ROBO2: variants seen among roughly 807,000 people sequenced by gnomAD.
ROBO2 encodes roundabout homolog 2.
Under a neutral mutation model 160.8 loss-of-function variants are expected in ROBO2, and 53 were observed. The observed-to-expected ratio is 0.33, with a 90% CI of 0.26 to 0.41. The LOEUF is 0.41. Among genes scored for constraint, ROBO2 ranks in the 10% least tolerant of loss-of-function variants. The pLI is 1.00. For synonymous variants in ROBO2, 664 were observed against 611.7 expected, an observed-to-expected ratio of 1.09 and a Z score of -1.26; for missense variants, 1,577 against 1,722.4, an observed-to-expected ratio of 0.92 and a Z score of 1.49.
At position 77,062,830 on chromosome 3, in the gene ROBO2, G is replaced by A. The variant is rs547529111; in HGVS notation, c.61+21984G>A. 3.9e-4 allele frequency among the ~76,000 whole-genome samples: 59 copies of A among 152,260 alleles called. No homozygotes were observed. In the South Asian group the frequency reaches 0.012, roughly 31 times the overall value. Reference sequence around the variant, plus strand: ...GTGGAAAATTCCTAGTGAGAGGTTAGTTGGTGGTTTCTGATTGGTGCAGTT... The same window carrying A: ...GTGGAAAATTCCTAGTGAGAGGTTAATTGGTGGTTTCTGATTGGTGCAGTT... On this transcript the variant is annotated intron_variant, in intron 1 of 25. Coordinates refer to ENST00000461745, the Ensembl canonical transcript of ROBO2.
intron 2 of ROBO2, among the ~76,000 whole-genome samples, chr3:77,452,241 T>A (rs2081194550): frequency 6.6e-6 from 1 of 152,214 alleles, no homozygotes; most frequent in Non-Finnish European, 1.5e-5. Flanking sequence ...AGTATCATAC[T>A]CATTCATCGT....
chr3:76,199,556 G>A (rs544833484), intron 2 of ROBO2, among the ~76,000 whole-genome samples: 35 of 152,168 alleles, frequency 2.3e-4, no homozygotes, highest in Middle Eastern at 3.4e-3. Flanking sequence ...TGGTAACTTC[G>A]TGAGAGGATG....
At chr3:77,415,040 A>G (rs1375462048) in intron 2 of ROBO2, among the ~76,000 whole-genome samples, 1 of 152,118 alleles carries the variant, frequency 6.6e-6, no homozygotes, top group African/African-American at 2.4e-5. Context: ...TGCTCACTCC[A>G]CCCATGATCC....
intron 1 of ROBO2, among the ~76,000 whole-genome samples, chr3:77,070,430 CTT>C (rs1237016998): frequency 6.6e-6 from 1 of 151,940 alleles, no homozygotes; most frequent in East Asian, 1.9e-4. Context: ...GTGTGTGTGT[CTT>C]TTTCTATCTA....
intron 2 of ROBO2, among the ~76,000 whole-genome samples, chr3:76,935,055 G>A (rs534914936): frequency 1.3e-5 from 2 of 150,926 alleles, no homozygotes; most frequent in African/African-American, 2.4e-5. Flanking sequence ...AGGCTCAGGC[G>A]ATCCTCCCAC....
intron 2 of ROBO2, among the ~76,000 whole-genome samples, chr3:77,419,371 G>A (rs1285616063): frequency 1.3e-5 from 2 of 152,074 alleles, no homozygotes; most frequent in Non-Finnish European, 2.9e-5. Context: ...GCTCTAGGTA[G>A]AGATAAGAAA....
At chr3:76,811,896 G>T (rs896707735) in intron 2 of ROBO2, among the ~76,000 whole-genome samples, 3 of 117,582 alleles carry the variant, frequency 2.6e-5, no homozygotes, top group Non-Finnish European at 5.0e-5. Context: ...TTTGAGATGG[G>T]GTCTCATTCT....
At chr3:77,061,952 C>CT (rs927017395) in intron 1 of ROBO2, among the ~76,000 whole-genome samples, 8 of 152,020 alleles carry the variant, frequency 5.3e-5, no homozygotes, top group East Asian at 3.9e-4. Context: ...CTGGTTCTTT[C>CT]TTTTTTTTCC....
intron 2 of ROBO2, among the ~76,000 whole-genome samples, chr3:76,900,840 G>A (rs1356309412): frequency 6.6e-6 from 1 of 152,200 alleles, no homozygotes; most frequent in Non-Finnish European, 1.5e-5. Flanking sequence ...ATGAAGAAAA[G>A]ATGGTGTTGA....
intron 2 of ROBO2, among the ~76,000 whole-genome samples, chr3:76,730,166 A>G (rs1183831296): frequency 6.8e-6 from 1 of 146,872 alleles, no homozygotes; most frequent in African/African-American, 2.5e-5. Flanking sequence ...CTACTCCCCA[A>G]CCCACTTTTC....
intron 2 of ROBO2, among the ~76,000 whole-genome samples, chr3:75,992,724 C>T (rs911968636): frequency 4.6e-5 from 7 of 152,182 alleles, no homozygotes; most frequent in African/African-American, 1.4e-4. Context: ...AAGCCACAGG[C>T]ACTCAATGCC....
At chr3:76,734,252 C>T (rs1388275581) in intron 2 of ROBO2, among the ~76,000 whole-genome samples, 1 of 152,088 alleles carries the variant, frequency 6.6e-6, no homozygotes, top group African/African-American at 2.4e-5. Flanking sequence ...TCCTCTGTAA[C>T]AAAAATAAAA....
chr3:76,240,517 C>T (rs937280003), intron 2 of ROBO2, among the ~76,000 whole-genome samples: 1 of 152,050 alleles, frequency 6.6e-6, no homozygotes, highest in African/African-American at 2.4e-5. Flanking sequence ...ATTCAAGATT[C>T]GTTGAAGTAG....
Position 77,375,650 on chromosome 3 carries a change from T to A in ROBO2, c.389-101764T>A, listed in dbSNP as rs147429261. Among the ~76,000 whole-genome samples, 18 of 152,064 alleles carry A rather than the reference T, an allele frequency of 1.2e-4. No homozygotes were observed. The East Asian group carries it at 3.1e-3, about 26-fold the overall frequency. ...GGGTTCAAGTTAAGATAATGAAGAG[T>A]CATCTGGTATTAATGGGAAACAGGA... On this transcript the variant is annotated intron_variant, in intron 2 of 25. Transcript: ENST00000461745.
intron 2 of ROBO2, among the ~76,000 whole-genome samples, chr3:76,396,674 C>A (rs528196506): frequency 1.3e-5 from 2 of 152,148 alleles, no homozygotes; most frequent in South Asian, 4.2e-4. Flanking sequence ...TCTTATGCAC[C>A]AATAACAGAC....
At chr3:76,004,909 T>C (rs964004918) in intron 2 of ROBO2, among the ~76,000 whole-genome samples, 2 of 152,192 alleles carry the variant, frequency 1.3e-5, no homozygotes, top group Admixed American at 6.5e-5. Context: ...CCAAAAGGCA[T>C]GTGTTGAAAC....
chr3:76,825,603 CA>C (rs201063990), intron 2 of ROBO2, among the ~76,000 whole-genome samples: 1,620 of 72,198 alleles, frequency 0.022, 10 homozygotes, highest in African/African-American at 0.087. Flanking sequence ...TCATCTTAGC[CA>C]AAAAAAAAAA....
At chr3:77,084,562 G>C (rs2069066278) in intron 1 of ROBO2, among the ~76,000 whole-genome samples, 1 of 151,930 alleles carries the variant, frequency 6.6e-6, no homozygotes, top group Non-Finnish European at 1.5e-5. Flanking sequence ...CTTGTGCTTT[G>C]TGACAAGAAA....
intron 2 of ROBO2, among the ~76,000 whole-genome samples, chr3:76,932,490 T>A (rs2077412676): frequency 6.6e-6 from 1 of 152,134 alleles, no homozygotes; most frequent in Non-Finnish European, 1.5e-5. Flanking sequence ...CAGTGATTTA[T>A]GTAATGCCTC....
Sources: allele counts gnomAD v4.1 joint callset (sites outside exome capture counted in the v4.1 genomes callset), GRCh38; gene constraint gnomAD v4.1.1; transcripts MANE v1.5; gene names NCBI Gene and HGNC (gene_info 2026-07-23, HGNC 2026-07-21).